Variants in CREB5 observed in about 807,000 individuals in gnomAD.
The protein encoded by CREB5 is cAMP responsive element binding protein 5.
CREB5 carries 19 observed loss-of-function variants against 57.1 expected under a neutral mutation model. The observed-to-expected ratio is 0.33, with a 90% CI of 0.23 to 0.49. The LOEUF is 0.49. CREB5 is among the 20% of genes least tolerant of loss of function. The pLI is 0.99. For synonymous variants in CREB5, 238 were observed against 238.3 expected, an observed-to-expected ratio of 1.00 and a Z score of 0.01; for missense variants, 579 against 671.6, an observed-to-expected ratio of 0.86 and a Z score of 1.52.
At chr7:28,665,651 A>T (rs888279997) in intron 5 of CREB5, among the ~76,000 whole-genome samples, 1 of 152,142 alleles carries the variant, frequency 6.6e-6, no homozygotes, top group African/African-American at 2.4e-5. Context: ...ATTTGGCAGG[A>T]TATAGGGGGA....
intron 1 of CREB5, among the ~76,000 whole-genome samples, chr7:28,341,542 T>A (rs1000258313): frequency 6.6e-6 from 1 of 152,248 alleles, no homozygotes; most frequent in Admixed American, 6.5e-5. Flanking sequence ...CTTGTCTTCA[T>A]CATCCATATA....
chr7:28,447,730 C>T (rs996003899), intron 1 of CREB5, among the ~76,000 whole-genome samples: 4 of 152,120 alleles, frequency 2.6e-5, no homozygotes, highest in South Asian at 2.1e-4. Context: ...CTTTATTTTA[C>T]GTGGCATTTC....
intron 5 of CREB5, among the ~76,000 whole-genome samples, chr7:28,589,444 C>G (rs1796415909): frequency 1.3e-5 from 2 of 152,074 alleles, no homozygotes; most frequent in Admixed American, 1.3e-4. Flanking sequence ...GTCCCAGCTA[C>G]TCGGGAGGCT....
chr7:28,633,110 A>T (rs1307926124), intron 5 of CREB5, among the ~76,000 whole-genome samples: 3 of 152,232 alleles, frequency 2.0e-5, no homozygotes, highest in African/African-American at 7.2e-5. Context: ...GGTAGGCACT[A>T]GGATGGTTCT....
chr7:28,458,479 G>C (rs921340839), intron 1 of CREB5, among the ~76,000 whole-genome samples: 4 of 152,120 alleles, frequency 2.6e-5, no homozygotes, highest in African/African-American at 4.8e-5. Flanking sequence ...TTAAGAAAAG[G>C]CCTTTTACTA....
At chr7:28,762,771 C>T (rs557045390) in intron 7 of CREB5, among the ~76,000 whole-genome samples, 1 of 150,488 alleles carries the variant, frequency 6.6e-6, no homozygotes, top group South Asian at 2.1e-4. Flanking sequence ...CAGATGACCT[C>T]GATACAATAT....
intron 1 of CREB5, among the ~76,000 whole-genome samples, chr7:28,477,306 T>C (rs1791117332): frequency 6.6e-6 from 1 of 152,178 alleles, no homozygotes; most frequent in Non-Finnish European, 1.5e-5. Flanking sequence ...AATAGGCATG[T>C]CTCATAGGCC....
rs138137406 is a variant in CREB5 at position 28,398,026 on chromosome 7, C to A, written c.-24-96880C>A. On this transcript the variant is annotated intron_variant, in intron 1 of 9. Coordinates refer to the CREB5 transcript ENST00000396299. ...AAGTACATTTATAATGTTAGATAAC[C>A]ATTGCTGTTATCTAATTCCAGAATA... Among the ~76,000 whole-genome samples the A allele has an allele frequency of 3.4e-4, 52 of 152,046 alleles. No individual in the cohort carries two copies. In the East Asian group the frequency reaches 7.3e-3, roughly 21 times the overall value.
chr7:28,773,626 T>A (rs1806459082), intron 7 of CREB5, among the ~76,000 whole-genome samples: 1 of 152,182 alleles, frequency 6.6e-6, no homozygotes, highest in African/African-American at 2.4e-5. Flanking sequence ...TGTGTTCCAA[T>A]AAAACTTTAT....
chr7:28,635,043 A>C (rs1798359628), intron 5 of CREB5, among the ~76,000 whole-genome samples: 1 of 152,194 alleles, frequency 6.6e-6, no homozygotes, highest in Admixed American at 6.6e-5. Flanking sequence ...CGAGGAATTT[A>C]CTTGGGGCTG....
intron 1 of CREB5, among the ~76,000 whole-genome samples, chr7:28,425,960 C>G (rs1788495784): frequency 6.6e-6 from 1 of 152,204 alleles, no homozygotes; most frequent in Middle Eastern, 3.2e-3. Context: ...TGAGGGCCAC[C>G]ACTGTCCTCT....
chr7:28,314,007 A>C (rs1050648600), intron 1 of CREB5, among the ~76,000 whole-genome samples: 6 of 152,228 alleles, frequency 3.9e-5, no homozygotes, highest in African/African-American at 1.4e-4. Flanking sequence ...CCCCCATAAA[A>C]GTTTGCAGAA....
intron 1 of CREB5, among the ~76,000 whole-genome samples, chr7:28,331,423 TAA>T (rs2127986699): frequency 1.3e-5 from 2 of 152,220 alleles, no homozygotes; most frequent in Middle Eastern, 3.4e-3. Flanking sequence ...TATAAAAAAG[TAA>T]AGTCTTTTTT....
intron 1 of CREB5, among the ~76,000 whole-genome samples, chr7:28,456,120 T>C (rs1203141848): frequency 6.6e-6 from 1 of 152,176 alleles, no homozygotes; most frequent in African/African-American, 2.4e-5. Context: ...CTTTAGATCA[T>C]GCTTAGGCAG....
chr7:28,757,870 C>T (rs1805423227), intron 7 of CREB5, among the ~76,000 whole-genome samples: 1 of 152,152 alleles, frequency 6.6e-6, no homozygotes, highest in Non-Finnish European at 1.5e-5. Flanking sequence ...CTCCAGTGAG[C>T]ATCTCCTTTG....
chr7:28,558,142 G>A (rs1217050569), intron 4 of CREB5, among the ~76,000 whole-genome samples: 1 of 152,170 alleles, frequency 6.6e-6, no homozygotes, highest in East Asian at 1.9e-4. Flanking sequence ...TTTAAATTCA[G>A]ATGTCATAAA....
In CREB5 at chr7:28,481,810, AGAG is replaced by A. The variant is rs1289802081; in HGVS notation, c.4-6361_4-6359del. On this transcript the variant is annotated intron_variant, in intron 1 of 10. Coordinates refer to ENST00000357727, the MANE Select transcript of CREB5 (RefSeq NM_182898.4). ...GACATAAGGAGACAAACACACAAAGAGAGGAGAGAAAGGCACACATGGAGAAAT... is the reference window on the plus strand; with the variant it reads ...GACATAAGGAGACAAACACACAAAGAGAGAGAAAGGCACACATGGAGAAAT... Among the ~76,000 whole-genome samples the A allele has an allele frequency of 5.3e-5, 8 of 152,288 alleles. No homozygotes were observed. The South Asian group carries it at 1.7e-3, about 32-fold the overall frequency.
At chr7:28,449,104 T>C (rs1789653891) in intron 1 of CREB5, among the ~76,000 whole-genome samples, 1 of 152,254 alleles carries the variant, frequency 6.6e-6, no homozygotes, top group African/African-American at 2.4e-5. Context: ...TTCCATGTAA[T>C]ATGTGTGCAT....
chr7:28,341,548 A>C (rs1182676576), intron 1 of CREB5, among the ~76,000 whole-genome samples: 1 of 152,194 alleles, frequency 6.6e-6, no homozygotes, highest in Non-Finnish European at 1.5e-5. Context: ...TTCATCATCC[A>C]TATACTACCT....
Sources: gnomAD v4.1 joint callset for allele counts (sites outside exome capture counted in the v4.1 genomes callset) on GRCh38, gnomAD v4.1.1 for gene constraint, MANE v1.5 for transcripts, NCBI Gene and HGNC (gene_info 2026-07-23, HGNC 2026-07-21) for gene names.